The following LPO variants were observed in gnomAD, a reference collection of about 807,000 sequenced individuals.
LPO encodes the protein lactoperoxidase.
Under a neutral mutation model 68.4 loss-of-function variants are expected in LPO, and 70 were observed. That is an observed-to-expected ratio of 1.02 (90% CI 0.84 to 1.25). The LOEUF is 1.25. Among genes scored for constraint, LPO ranks in the 50% most tolerant of loss-of-function variants. LPO has a pLI of 0.00. For synonymous variants in LPO, 360 were observed against 357.6 expected, an observed-to-expected ratio of 1.01 and a Z score of -0.08; for missense variants, 873 against 908.4, an observed-to-expected ratio of 0.96 and a Z score of 0.50.
Position 58,244,070 on chromosome 17 carries a change from C to A in LPO, c.153C>A (p.Asp51Glu). The change falls in exon 3 of 13, where the codon GAC (aspartate) becomes GAA (glutamate). Residue 51 changes from aspartate (D) to glutamate (E), a missense_variant. Physicochemically the swap from Asp to Glu is conservative, Grantham distance 45. Coordinates refer to ENST00000262290, the MANE Select transcript of LPO (RefSeq NM_006151.3). The stretch of plus-strand genomic sequence containing the variant: ...TCCAAGTCAACAAGGCCTTCCTGGA[C>A]TCCCGAACCAGGTACGTGAGACACA... ...AKVQVNKAFL[D>E]SRTRLKTAMS... The A allele has an allele frequency of 6.2e-7, 1 of 1,607,674 alleles. No homozygotes were observed. The highest frequency in any genetic ancestry group is 8.5e-7 in the Non-Finnish European group (1 of 1,176,558).
intron 9 of LPO, among the ~76,000 whole-genome samples, chr17:58,261,139 G>C (rs1598031414): frequency 6.6e-6 from 1 of 152,204 alleles, no homozygotes; most frequent in Non-Finnish European, 1.5e-5. Context: ...AGTTGGATCT[G>C]TTGGTTGATG....
At position 58,247,657 on chromosome 17, in the gene LPO, C is replaced by T. The variant is rs1181521069; in HGVS notation, c.325+19C>T. The T allele has an allele frequency of 1.2e-6, 2 of 1,608,094 alleles. No individual in the cohort carries two copies. Among genetic ancestry groups the T allele is most frequent in the Admixed American group, 1.7e-5 (1 of 59,658 alleles). Reference sequence around the variant, plus strand: ...GTCACAGGTACAGAAAACCCACCAGCCCTCTGTGGCAGGAAGGGGTCATCT... The same window carrying T: ...GTCACAGGTACAGAAAACCCACCAGTCCTCTGTGGCAGGAAGGGGTCATCT... On this transcript the variant is annotated intron_variant, in intron 4 of 12. Coordinates refer to ENST00000262290, the MANE Select transcript of LPO (RefSeq NM_006151.3).
At chr17:58,251,107 C>T (rs750596646) in intron 7 of LPO, 10 of 163,638 alleles carry the variant, frequency 6.1e-5, no homozygotes, top group South Asian at 1.6e-4. Context: ...GGTGAAACCC[C>T]GTCTCTACTA....
At chr17:58,243,630 G>C in intron 2 of LPO, 1 of 313,162 alleles carries the variant, frequency 3.2e-6, no homozygotes, top group Non-Finnish European at 6.0e-6. Flanking sequence ...GGTGATCAGT[G>C]GGTCCTCTTT....
intron 9 of LPO, among the ~76,000 whole-genome samples, chr17:58,263,365 C>T (rs1970206252): frequency 1.3e-5 from 2 of 152,158 alleles, no homozygotes; most frequent in South Asian, 4.1e-4. Flanking sequence ...GCATTTCTGG[C>T]TCTTGGTATT....
chr17:58,255,155 C>T (rs1357583751), intron 9 of LPO, among the ~76,000 whole-genome samples, 184 bp downstream of exon 9: 5 of 152,188 alleles, frequency 3.3e-5, no homozygotes, highest in Admixed American at 2.0e-4. Context: ...ATTTCTTCAG[C>T]TTCTCTGTCT....
intron 1 of LPO, among the ~76,000 whole-genome samples, chr17:58,240,584 A>G (rs947644764): frequency 6.6e-6 from 1 of 152,174 alleles, no homozygotes; most frequent in Admixed American, 6.5e-5. Flanking sequence ...ACCCACCAGG[A>G]ACATTGCCCA....
At position 58,262,329 on chromosome 17, in the gene LPO, G is replaced by A. The variant is rs528466041; in HGVS notation, c.1267-2393G>A. 6.6e-5 allele frequency among the ~76,000 whole-genome samples: 10 copies of A among 152,270 alleles called. No individual in the cohort carries two copies. The South Asian group carries it at 1.2e-3, about 19-fold the overall frequency. ...TCTTTCGGCACATGAAAAATGTGGCGACACTTCCCCTGGCTTCTGTGGTTT... is the reference window on the plus strand; with the variant it reads ...TCTTTCGGCACATGAAAAATGTGGCAACACTTCCCCTGGCTTCTGTGGTTT... On this transcript the variant is annotated intron_variant, in intron 9 of 12. Coordinates refer to ENST00000262290, the MANE Select transcript of LPO (RefSeq NM_006151.3).
chr17:58,263,940 A>G (rs1382088838), intron 9 of LPO, among the ~76,000 whole-genome samples: 1 of 152,156 alleles, frequency 6.6e-6, no homozygotes, highest in African/African-American at 2.4e-5. Context: ...GCAGGAAAGT[A>G]CTTCCCTGGC....
At chr17:58,243,313 C>T (rs547990947) in intron 2 of LPO, 65 of 445,130 alleles carry the variant, frequency 1.5e-4, no homozygotes, top group African/African-American at 4.0e-4. Flanking sequence ...TCAGTCTTTG[C>T]GTGGCCTTTT....
At chr17:58,254,664 C>T in intron 8 of LPO, 147 bp from the exon 9 acceptor site, 1 of 674,050 alleles carries the variant, frequency 1.5e-6, no homozygotes, top group Non-Finnish European at 2.5e-6. Context: ...CCCTCCCCAT[C>T]CCTATTCACC....
At chr17:58,252,731 T>TA (rs1345576561) in intron 8 of LPO, among the ~76,000 whole-genome samples, 1 of 150,854 alleles carries the variant, frequency 6.6e-6, no homozygotes, top group Non-Finnish European at 1.5e-5. Flanking sequence ...ACAAAGAAAA[T>TA]AAAAAGAAAG....
chr17:58,244,291 G>A (rs936643124), intron 3 of LPO: 10 of 579,126 alleles, frequency 1.7e-5, no homozygotes, highest in Non-Finnish European at 3.1e-5. Context: ...TCCTCAGCCT[G>A]TACATCACCT....
At position 58,267,925 on chromosome 17, in the gene LPO, C is replaced by T. The variant is rs200022072; in HGVS notation, c.2070C>T (p.Pro690=). ...ACCCATTCTGGGCCAACAGCTACCCCTATGACTTCGTGGATTGCTCAGCCA... is the reference window on the plus strand; with the variant it reads ...ACCCATTCTGGGCCAACAGCTACCCTTATGACTTCGTGGATTGCTCAGCCA... ...PRDPFWANSY[P]YDFVDCSAID... Residue 690 remains proline, a synonymous_variant, in exon 13 of 13, where the codon CCC becomes CCT. Transcript: ENST00000262290. 2.1e-5 allele frequency: 34 copies of T among 1,614,078 alleles called. No individual in the cohort carries two copies. Among genetic ancestry groups the T allele is most frequent in the Non-Finnish European group, 2.9e-5 (34 of 1,180,044 alleles).
chr17:58,250,772 C>T (rs1337955767), intron 7 of LPO, 151 bp downstream of exon 7: 11 of 748,420 alleles, frequency 1.5e-5, no homozygotes, highest in Admixed American at 4.6e-5. Flanking sequence ...TTCACTCATC[C>T]GTTTATTCAG....
At chr17:58,252,130 G>A (rs2143910963) in intron 7 of LPO, 52 bp from the exon 8 acceptor site, 2 of 1,562,314 alleles carry the variant, frequency 1.3e-6, no homozygotes, top group Admixed American at 1.7e-5. Context: ...GAGGTTGCCA[G>A]GACCCAGCTG....
At chr17:58,256,994 T>C (rs949070109) in intron 9 of LPO, among the ~76,000 whole-genome samples, 60 of 139,776 alleles carry the variant, frequency 4.3e-4, no homozygotes, top group African/African-American at 1.6e-3. Flanking sequence ...CTTACTCTTT[T>C]TTTTTTTTTT....
chr17:58,243,144 A>T, intron 2 of LPO, 89 bp downstream of exon 2: 1 of 1,302,158 alleles, frequency 7.7e-7, no homozygotes, highest in South Asian at 1.2e-5. Flanking sequence ...GTATTCTCTC[A>T]CAGTACGGGA....
At chr17:58,251,689 T>C (rs1177801451) in intron 7 of LPO, 1 of 362,574 alleles carries the variant, frequency 2.8e-6, no homozygotes, top group Non-Finnish European at 5.4e-6. Context: ...TATAAGTTCT[T>C]AGGCAACTTA....
Sources: allele counts gnomAD v4.1 joint callset (sites outside exome capture counted in the v4.1 genomes callset), GRCh38; gene constraint gnomAD v4.1.1; transcripts MANE v1.5; gene names NCBI Gene and HGNC (gene_info 2026-07-23, HGNC 2026-07-21).